Variants in FABP6 observed in about 807,000 individuals in gnomAD.
FABP6 encodes the protein gastrotropin.
A neutral mutation model predicts 14.9 loss-of-function variants in FABP6; 13 were observed. The observed-to-expected ratio is 0.87, with a 90% CI of 0.57 to 1.39. FABP6 has a LOEUF of 1.39. Ranked by LOEUF, FABP6 falls within the 40% of genes most tolerant of loss-of-function variation. The pLI, the probability that FABP6 is intolerant of heterozygous loss-of-function variation, is 0.00. For synonymous variants in FABP6, 75 were observed against 63.6 expected (o/e 1.18, Z -0.85); for missense variants, 161 against 167.2 (o/e 0.96, Z 0.20).
At chr5:160,198,946 A>T in intron 1 of FABP6, 1 of 704,488 alleles carries the variant, frequency 1.4e-6, no homozygotes, top group Non-Finnish European at 2.4e-6. Context: ...TGTGTCTGGC[A>T]CACAGTGAGC....
intron 3 of FABP6, among the ~76,000 whole-genome samples, chr5:160,218,012 C>A (rs933779389): frequency 3.1e-4 from 47 of 152,174 alleles, no homozygotes; most frequent in African/African-American, 1.1e-3. Context: ...AAACATAGCT[C>A]ACTGCAGCCT....
At chr5:160,196,806 C>G (rs1273662351) in intron 1 of FABP6, 1 of 152,374 alleles carries the variant, frequency 6.6e-6, no homozygotes, top group Non-Finnish European at 1.5e-5. Flanking sequence ...ATCTCCTGAC[C>G]TGGTGATCTG....
upstream of FABP6, among the ~76,000 whole-genome samples, chr5:160,224,543 G>A (rs1349582508): frequency 6.6e-6 from 1 of 152,150 alleles, no homozygotes; most frequent in East Asian, 1.9e-4. Flanking sequence ...AGCTTAATGG[G>A]GGAATAATGA....
At chr5:160,225,727 G>C (rs527350525), upstream of FABP6, among the ~76,000 whole-genome samples, 4 of 152,192 alleles carry the variant, frequency 2.6e-5, no homozygotes, top group South Asian at 4.1e-4. Context: ...AGAAACATGG[G>C]ACCGTGTTTA....
chr5:160,222,907 G>A (rs1760159629), intron 3 of FABP6, among the ~76,000 whole-genome samples: 1 of 152,170 alleles, frequency 6.6e-6, no homozygotes, highest in Non-Finnish European at 1.5e-5. Flanking sequence ...TTTAGCTCAA[G>A]GAAATATAGG....
At chr5:160,234,460 T>C (rs1320090769) in intron 2 of FABP6, among the ~76,000 whole-genome samples, 2 of 144,530 alleles carry the variant, frequency 1.4e-5, no homozygotes, top group Non-Finnish European at 1.5e-5. Context: ...AGAGTCTTGC[T>C]CTGTTGCCCA....
chr5:160,210,967 T>C (rs924466388), intron 2 of FABP6, among the ~76,000 whole-genome samples: 4 of 152,190 alleles, frequency 2.6e-5, no homozygotes, highest in Non-Finnish European at 5.9e-5. Flanking sequence ...GGACGACCTT[T>C]TGCCATCTGA....
chr5:160,229,780 C>G (rs1314600260), intron 1 of FABP6, among the ~76,000 whole-genome samples, 156 bp downstream of exon 1: 5 of 152,064 alleles, frequency 3.3e-5, no homozygotes, highest in Admixed American at 1.3e-4. Flanking sequence ...CTGCTTTCTC[C>G]CAGGCTCTGA....
intron 3 of FABP6, among the ~76,000 whole-genome samples, chr5:160,218,554 G>A (rs555931317): frequency 4.2e-5 from 6 of 142,728 alleles, no homozygotes; most frequent in Admixed American, 3.0e-4. Context: ...TCTGCCTCCC[G>A]AGTACAAGCA....
At chr5:160,207,419 G>C (rs1187488319) in intron 2 of FABP6, among the ~76,000 whole-genome samples, 1 of 152,132 alleles carries the variant, frequency 6.6e-6, no homozygotes, top group Non-Finnish European at 1.5e-5. Context: ...GGTTATTTAG[G>C]TTTTCTGCTC....
rs998700267 is a variant in FABP6 at position 160,217,122 on chromosome 5, T to G, written c.135+3303T>G. 2.0e-5 allele frequency among the ~76,000 whole-genome samples: 3 copies of G among 152,196 alleles called. No individual in the cohort carries two copies. In the East Asian group the frequency reaches 5.8e-4, roughly 29 times the overall value. ...GCATTTAGCACAGGACTTGGCGCAT[T>G]GCAGGTCCATGTTAGATCTTGGCTC... is the stretch of plus-strand genomic sequence containing the variant. On this transcript the variant is annotated intron_variant, in intron 3 of 6. Coordinates refer to the FABP6 transcript ENST00000393980.
intron 3 of FABP6, among the ~76,000 whole-genome samples, chr5:160,216,385 A>G (rs1760013811): frequency 6.6e-6 from 1 of 151,692 alleles, no homozygotes; most frequent in Non-Finnish European, 1.5e-5. Flanking sequence ...CTCCTGCCTC[A>G]GCCTCCTGAG....
In FABP6 at chr5:160,191,476, A is replaced by AAACC. The variant is rs1262357730; in HGVS notation, c.-59+4023_-59+4026dup. 6.6e-5 allele frequency among the ~76,000 whole-genome samples: 10 copies of AAACC among 150,986 alleles called. No individual in the cohort carries two copies. The South Asian group carries it at 1.5e-3, about 22-fold the overall frequency. ...GAGTGAAACTCCATCTCAAACAAAC[A>AAACC]AACCCCAAACCTTACCTTACTAGGG... On this transcript the variant is annotated intron_variant, in intron 1 of 6. Transcript: ENST00000393980.
chr5:160,199,913 G>A (rs971773707), intron 2 of FABP6, among the ~76,000 whole-genome samples: 3 of 152,212 alleles, frequency 2.0e-5, no homozygotes, highest in Non-Finnish European at 2.9e-5. Context: ...CTTCCCCACG[G>A]AGGTGGCTCC....
At chr5:160,214,997 C>A (rs1759982216) in intron 3 of FABP6, among the ~76,000 whole-genome samples, 1 of 152,194 alleles carries the variant, frequency 6.6e-6, no homozygotes, top group African/African-American at 2.4e-5. Context: ...GTTTATGACC[C>A]ATGGCCATCC....
chr5:160,188,949 C>T (rs1400975026), intron 1 of FABP6, among the ~76,000 whole-genome samples: 1 of 152,218 alleles, frequency 6.6e-6, no homozygotes, highest in Non-Finnish European at 1.5e-5. Context: ...CTGTGATTTA[C>T]AGCAGGGCTC....
At chr5:160,216,414 C>T (rs991337744) in intron 3 of FABP6, among the ~76,000 whole-genome samples, 13 of 151,860 alleles carry the variant, frequency 8.6e-5, no homozygotes, top group Admixed American at 7.2e-4. Context: ...ATTACAGGCA[C>T]GTGCCACCAT....
intron 1 of FABP6, among the ~76,000 whole-genome samples, chr5:160,193,435 C>G (rs931969160): frequency 6.6e-6 from 1 of 152,026 alleles, no homozygotes; most frequent in South Asian, 2.1e-4. Context: ...GGAAGGGGAC[C>G]CGAGCGGGTT....
intron 1 of FABP6, among the ~76,000 whole-genome samples, chr5:160,191,618 A>G (rs532026364): frequency 6.6e-6 from 1 of 151,918 alleles, no homozygotes; most frequent in Non-Finnish European, 1.5e-5. Context: ...TATTAAAAAA[A>G]TTTTTTTAAT....
Sources: gnomAD v4.1 joint callset for allele counts (sites outside exome capture counted in the v4.1 genomes callset) on GRCh38, gnomAD v4.1.1 for gene constraint, MANE v1.5 for transcripts, NCBI Gene and HGNC (gene_info 2026-07-23, HGNC 2026-07-21) for gene names.